The following GLYATL3 variants were observed in gnomAD, a reference collection of about 807,000 sequenced individuals.
GLYATL3 encodes glycine-N-acyltransferase like 3, also known as glycine N-acyltransferase-like protein 3.
In GLYATL3, 31 loss-of-function variants were observed where a neutral mutation model predicts 28.5. The observed-to-expected ratio is 1.09, with a 90% CI of 0.82 to 1.47. The LOEUF is 1.47. Ranked by LOEUF, GLYATL3 falls within the 40% of genes most tolerant of loss-of-function variation. The pLI is 0.00. For synonymous variants in GLYATL3, 141 were observed against 140.2 expected, an observed-to-expected ratio of 1.01 and a Z score of -0.04; for missense variants, 369 against 351.5, an observed-to-expected ratio of 1.05 and a Z score of -0.40.
At chr6:49,524,162 G>T (rs1402401974) in intron 5 of GLYATL3, among the ~76,000 whole-genome samples, 1 of 140,636 alleles carries the variant, frequency 7.1e-6, no homozygotes, top group African/African-American at 2.6e-5. Context: ...ACTTGCCTTA[G>T]CAATGATTTT....
At chr6:49,503,233 C>A (rs1455754861) in intron 1 of GLYATL3, among the ~76,000 whole-genome samples, 1 of 152,130 alleles carries the variant, frequency 6.6e-6, no homozygotes, top group African/African-American at 2.4e-5. Flanking sequence ...TTGACGATTG[C>A]CATAGTGATA....
intron 5 of GLYATL3, among the ~76,000 whole-genome samples, chr6:49,524,968 CAAAAAAAA>C (rs911424000): frequency 1.6e-3 from 70 of 43,690 alleles, no homozygotes; most frequent in Non-Finnish European, 2.5e-3. Flanking sequence ...GACTCCCTCT[CAAAAAAAA>C]AAAAAAAAAA....
chr6:49,516,326 T>A (rs1769214690), intron 3 of GLYATL3, among the ~76,000 whole-genome samples: 2 of 152,030 alleles, frequency 1.3e-5, no homozygotes, highest in South Asian at 4.1e-4. Flanking sequence ...TTCAATAAAG[T>A]GGTTCCTTAG....
At chr6:49,524,982 A>C (rs1374253730) in intron 5 of GLYATL3, among the ~76,000 whole-genome samples, 2 of 150,792 alleles carry the variant, frequency 1.3e-5, no homozygotes, top group African/African-American at 4.9e-5. Context: ...AAAAAAAAAA[A>C]AAAAAAAAAG....
intron 1 of GLYATL3, among the ~76,000 whole-genome samples, chr6:49,506,608 G>A (rs1769015288): frequency 6.6e-6 from 1 of 151,754 alleles, no homozygotes; most frequent in South Asian, 2.1e-4. Flanking sequence ...TGCCCCCATA[G>A]GTTTAATAAC....
intron 5 of GLYATL3, 72 bp downstream of exon 5, chr6:49,521,843 T>G: frequency 1.9e-4 from 254 of 1,334,748 alleles, no homozygotes; most frequent in Non-Finnish European, 2.4e-4. Context: ...GTAACTGGGG[T>G]ACTTAGTATC....
intron 1 of GLYATL3, among the ~76,000 whole-genome samples, chr6:49,501,297 C>A (rs1039088768): frequency 6.6e-6 from 1 of 152,098 alleles, no homozygotes; most frequent in Non-Finnish European, 1.5e-5. Flanking sequence ...AGCTGGCCAG[C>A]AGCCCGCAAT....
At chr6:49,514,618 C>A (rs1228138915) in intron 2 of GLYATL3, among the ~76,000 whole-genome samples, 1 of 152,140 alleles carries the variant, frequency 6.6e-6, no homozygotes, top group Non-Finnish European at 1.5e-5. Context: ...ATCACTTGAA[C>A]CCAGGAGTTC....
intron 1 of GLYATL3, among the ~76,000 whole-genome samples, chr6:49,506,351 AG>A (rs1769010739): frequency 1.3e-5 from 2 of 152,230 alleles, no homozygotes; most frequent in South Asian, 4.1e-4. Flanking sequence ...AAAGTCTGTC[AG>A]ATAGGTTGTA....
At chr6:49,523,650 AT>A (rs1769354194) in intron 5 of GLYATL3, among the ~76,000 whole-genome samples, 1 of 152,240 alleles carries the variant, frequency 6.6e-6, no homozygotes, top group Non-Finnish European at 1.5e-5. Context: ...TTTTCTGCAC[AT>A]TCCCTTAAAA....
intron 4 of GLYATL3, among the ~76,000 whole-genome samples, chr6:49,518,104 C>T (rs975183073): frequency 1.1e-4 from 16 of 152,112 alleles, no homozygotes; most frequent in African/African-American, 3.9e-4. Context: ...TCACTGCAGC[C>T]TTGAACTCCT....
intron 5 of GLYATL3, among the ~76,000 whole-genome samples, chr6:49,523,961 T>C (rs778567911): frequency 8.5e-5 from 13 of 152,182 alleles, no homozygotes; most frequent in Non-Finnish European, 1.6e-4. Context: ...GAAATGGGGT[T>C]TTAACTTGAA....
intron 4 of GLYATL3, among the ~76,000 whole-genome samples, chr6:49,520,991 G>A (rs565920242): frequency 1.3e-5 from 2 of 152,292 alleles, no homozygotes; most frequent in South Asian, 4.1e-4. Context: ...ACTCTAACCT[G>A]GGCAAGAGAG....
At chr6:49,513,554 A>G (rs138063284) in intron 2 of GLYATL3, among the ~76,000 whole-genome samples, 173 of 152,340 alleles carry the variant, frequency 1.1e-3, no homozygotes, top group Non-Finnish European at 2.2e-3. Context: ...CCTCATGTGA[A>G]ACTTATTAAT....
chr6:49,506,503 T>G (rs762967278), intron 1 of GLYATL3, among the ~76,000 whole-genome samples: 8 of 152,084 alleles, frequency 5.3e-5, no homozygotes, highest in Non-Finnish European at 1.2e-4. Flanking sequence ...GTCTGACTTG[T>G]CAAAAGGAAT....
chr6:49,510,371 T>C (rs529559985), intron 1 of GLYATL3, among the ~76,000 whole-genome samples: 1 of 152,254 alleles, frequency 6.6e-6, no homozygotes, highest in East Asian at 1.9e-4. Flanking sequence ...CTTTAGATCC[T>C]TCAGGGAACA....
At chr6:49,507,408 A>T (rs1237731655) in intron 1 of GLYATL3, among the ~76,000 whole-genome samples, 1 of 152,160 alleles carries the variant, frequency 6.6e-6, no homozygotes, top group South Asian at 2.1e-4. Context: ...AATATTTTTC[A>T]ATAGTCTGAA....
At chr6:49,521,097 A>G (rs1769303854) in intron 4 of GLYATL3, among the ~76,000 whole-genome samples, 1 of 152,148 alleles carries the variant, frequency 6.6e-6, no homozygotes, top group Admixed American at 6.5e-5. Context: ...ATATATATAC[A>G]ACACCTACTG....
In GLYATL3 at chr6:49,521,589, T is replaced by C. The variant is rs1044813749; in HGVS notation, c.314-56T>C. 7 of 1,482,364 alleles carry C rather than the reference T, an allele frequency of 4.7e-6. No individual in the cohort carries two copies. In the African/African-American group the frequency reaches 9.8e-5, roughly 21 times the overall value. 91.8% of individuals were successfully genotyped at this position (1,482,364 alleles called of 1,614,324 possible). On this transcript the variant is annotated intron_variant, in intron 4 of 5. Coordinates refer to ENST00000371197, the MANE Select transcript of GLYATL3 (RefSeq NM_001010904.2). ...TATAAAATTACTGCAACAAATTTCC[T>C]TTTTGCTTTTTCAACTAAAATGCCC...
Sources: gnomAD v4.1 joint callset for allele counts (sites outside exome capture counted in the v4.1 genomes callset) on GRCh38, gnomAD v4.1.1 for gene constraint, MANE v1.5 for transcripts, NCBI Gene and HGNC (gene_info 2026-07-23, HGNC 2026-07-21) for gene names.